The following ABAT variants were observed in gnomAD, a reference collection of about 807,000 sequenced individuals.
ABAT encodes the protein 4-aminobutyrate aminotransferase, mitochondrial.
In ABAT, 45 loss-of-function variants were observed where a neutral mutation model predicts 64.6. The ratio of observed to expected loss-of-function variants is 0.70; its 90% CI spans 0.55 to 0.89. ABAT has a LOEUF of 0.89. Ranked by LOEUF, ABAT falls within the 40% of genes least tolerant of loss-of-function variation. ABAT has a pLI of 0.00. For synonymous variants in ABAT, 297 were observed against 250.5 expected (o/e 1.19, Z -1.75); for missense variants, 633 against 658.4 (o/e 0.96, Z 0.42).
intron 11 of ABAT, among the ~76,000 whole-genome samples, chr16:8,771,837 C>T (rs886566490): frequency 2.6e-5 from 4 of 151,976 alleles, no homozygotes; most frequent in Admixed American, 6.6e-5. Context: ...GTGGTCATAG[C>T]TCACTGCGAT....
intron 6 of ABAT, among the ~76,000 whole-genome samples, chr16:8,760,888 A>G (rs916701120): frequency 6.6e-6 from 1 of 152,166 alleles, no homozygotes; most frequent in Non-Finnish European, 1.5e-5. Flanking sequence ...AGCCTGGGCA[A>G]CATATCGAGA....
At chr16:8,727,176 G>A (rs2058582827) in intron 1 of ABAT, among the ~76,000 whole-genome samples, 1 of 151,978 alleles carries the variant, frequency 6.6e-6, no homozygotes, top group Non-Finnish European at 1.5e-5. Flanking sequence ...TCCTTTGCTG[G>A]AGGACAGACC....
chr16:8,714,331 T>C (rs67080558), intron 1 of ABAT, among the ~76,000 whole-genome samples: 9,069 of 152,274 alleles, frequency 0.06, 445 homozygotes, highest in African/African-American at 0.13. Flanking sequence ...CACACACCCC[T>C]TTCTCTTTGA....
chr16:8,713,907 C>T (rs1205270383), intron 1 of ABAT: 1 of 456,052 alleles, frequency 2.2e-6, no homozygotes, highest in Non-Finnish European at 4.4e-6. Flanking sequence ...TGCATCCTTA[C>T]ATGTGTATGT....
intron 1 of ABAT, among the ~76,000 whole-genome samples, chr16:8,710,713 A>AGG (rs368035906): frequency 0.068 from 9,906 of 145,760 alleles, 803 homozygotes; most frequent in African/African-American, 0.18. Flanking sequence ...AGAGAGAGAG[A>AGG]GAGAGAGAGA....
chr16:8,742,009 C>A (rs987121340), intron 2 of ABAT, among the ~76,000 whole-genome samples: 1 of 152,234 alleles, frequency 6.6e-6, no homozygotes, highest in Admixed American at 6.5e-5. Flanking sequence ...CCCATTCCCC[C>A]CCTTTCTGAT....
chr16:8,766,840 G>A (rs1266527227), intron 9 of ABAT, among the ~76,000 whole-genome samples: 1 of 150,184 alleles, frequency 6.7e-6, no homozygotes, highest in East Asian at 2.0e-4. Flanking sequence ...GTGGTGGCGG[G>A]TACCTGTAAT....
At chr16:8,692,375 CA>C (rs963121867) in intron 1 of ABAT, among the ~76,000 whole-genome samples, 1 of 151,824 alleles carries the variant, frequency 6.6e-6, no homozygotes, top group African/African-American at 2.4e-5. Context: ...GACCCTATCT[CA>C]AAAAAATACA....
At chr16:8,689,385 C>G (rs914638547) in intron 1 of ABAT, among the ~76,000 whole-genome samples, 9 of 152,176 alleles carry the variant, frequency 5.9e-5, no homozygotes, top group Admixed American at 5.2e-4. Context: ...CTGCTGTAGC[C>G]TTAGAATATG....
chr16:8,745,689 C>G (rs113929354), intron 2 of ABAT, among the ~76,000 whole-genome samples: 1 of 151,894 alleles, frequency 6.6e-6, no homozygotes, highest in Non-Finnish European at 1.5e-5. Context: ...TAGAGCAAGA[C>G]TCTGTCTCAA....
intron 1 of ABAT, among the ~76,000 whole-genome samples, chr16:8,711,723 GGA>G (rs2058075335): frequency 2.8e-5 from 3 of 106,898 alleles, no homozygotes; most frequent in African/African-American, 1.5e-4. Context: ...TGGATGGATG[GGA>G]AGATGGATGG....
chr16:8,777,562 G>A lies in ABAT; in HGVS notation c.1269+1072G>A, dbSNP rs577171897. Among the ~76,000 whole-genome samples the A allele has an allele frequency of 7.2e-5, 11 of 152,266 alleles. 1 individual carries two copies. The South Asian group carries it at 1.0e-3, about 14-fold the overall frequency. On this transcript the variant is annotated intron_variant, in intron 14 of 15. Transcript: ENST00000268251. ...GCTGGTCACGTGGTCACTCCTAACC[G>A]TAAGGACGTGTGGGGATGTGTGTGT...
chr16:8,753,918 T>C (rs1472628413), intron 5 of ABAT, among the ~76,000 whole-genome samples: 2 of 152,122 alleles, frequency 1.3e-5, no homozygotes, highest in African/African-American at 2.4e-5. Flanking sequence ...AGGTCTTTAA[T>C]ACCTGTCTCC....
intron 1 of ABAT, among the ~76,000 whole-genome samples, chr16:8,705,732 T>C (rs1455632036): frequency 6.6e-6 from 1 of 152,108 alleles, no homozygotes; most frequent in Non-Finnish European, 1.5e-5. Flanking sequence ...AGTTGTTTTT[T>C]TGTTCTGAAT....
At chr16:8,724,760 A>C (rs1567286791) in intron 1 of ABAT, among the ~76,000 whole-genome samples, 2 of 143,134 alleles carry the variant, frequency 1.4e-5, no homozygotes, top group East Asian at 2.0e-4. Flanking sequence ...AAAAAAAAAA[A>C]AAAAAAAAAC....
chr16:8,749,865 C>T (rs2059430204), intron 4 of ABAT, among the ~76,000 whole-genome samples: 1 of 152,200 alleles, frequency 6.6e-6, no homozygotes, highest in Admixed American at 6.5e-5. Flanking sequence ...AGGCGTGCAC[C>T]ACCACGCCTG....
intron 1 of ABAT, among the ~76,000 whole-genome samples, chr16:8,685,980 G>C (rs1400898728): frequency 2.0e-5 from 3 of 152,226 alleles, no homozygotes; most frequent in Non-Finnish European, 4.4e-5. Flanking sequence ...TTTGAGCTCA[G>C]ATTTCCTTAG....
At chr16:8,767,054 G>GCT (rs2059966489) in intron 9 of ABAT, among the ~76,000 whole-genome samples, 1 of 152,196 alleles carries the variant, frequency 6.6e-6, no homozygotes, top group Non-Finnish European at 1.5e-5. Context: ...GAGGTCTCAG[G>GCT]GAATTGGTGC....
chr16:8,729,695 G>T (rs1208588703), intron 1 of ABAT, among the ~76,000 whole-genome samples: 1 of 152,006 alleles, frequency 6.6e-6, no homozygotes, highest in East Asian at 1.9e-4. Flanking sequence ...GTATGGTGGT[G>T]CATGCCTGTA....
Sources: allele counts gnomAD v4.1 joint callset (sites outside exome capture counted in the v4.1 genomes callset), GRCh38; gene constraint gnomAD v4.1.1; transcripts MANE v1.5; gene names NCBI Gene and HGNC (gene_info 2026-07-23, HGNC 2026-07-21).